Variants in EXD2 observed in about 807,000 individuals in gnomAD.
EXD2 encodes exonuclease 3'-5' domain containing 2.
In EXD2, 40 loss-of-function variants were observed where a neutral mutation model predicts 62.5. The observed-to-expected ratio is 0.64, with a 90% CI of 0.50 to 0.83. The LOEUF is 0.83. EXD2 is among the 40% of genes least tolerant of loss of function. EXD2 has a pLI of 0.00. For missense variants in EXD2, 671 were observed against 761.8 expected (o/e 0.88, Z 1.40); for synonymous variants, 239 against 291.9 (o/e 0.82, Z 1.85).
chr14:69,228,153 C>G (rs896199975), intron 3 of EXD2: 4 of 139,276 alleles, frequency 2.9e-5, no homozygotes, highest in African/African-American at 5.2e-5. Context: ...TTTATCATTT[C>G]TCACTCTACT....
intron 9 of EXD2, 140 bp downstream of exon 9, chr14:69,238,071 T>A: frequency 2.8e-6 from 2 of 712,344 alleles, no homozygotes; most frequent in Non-Finnish European, 2.3e-6. Flanking sequence ...TCTAGTAGTT[T>A]AAGATACCTT....
intron 3 of EXD2, 102 bp from the exon 4 acceptor site, chr14:69,228,714 G>A (rs2043458555): frequency 1.3e-5 from 18 of 1,438,448 alleles, no homozygotes; most frequent in Non-Finnish European, 1.7e-5. Context: ...GCTACCTTTG[G>A]GAAGTTAAGG....
At chr14:69,219,734 A>G (rs1376566441) in intron 3 of EXD2, among the ~76,000 whole-genome samples, 1 of 152,168 alleles carries the variant, frequency 6.6e-6, no homozygotes, top group Non-Finnish European at 1.5e-5. Context: ...TGTTCTAATT[A>G]CTTGTAGATT....
chr14:69,236,351 G>T, intron 7 of EXD2, 56 bp from the exon 8 acceptor site: 1 of 1,612,934 alleles, frequency 6.2e-7, no homozygotes, highest in South Asian at 1.1e-5. Flanking sequence ...GCTGCTTCTT[G>T]GGTGTGGTGG....
At chr14:69,232,313 C>T (rs2043614024) in intron 5 of EXD2, among the ~76,000 whole-genome samples, 1 of 152,188 alleles carries the variant, frequency 6.6e-6, no homozygotes, top group South Asian at 2.1e-4. Flanking sequence ...TCCGCCCTTG[C>T]CTTCACAGAT....
chr14:69,228,332 C>T (rs763276537), intron 3 of EXD2, among the ~76,000 whole-genome samples: 2 of 152,006 alleles, frequency 1.3e-5, no homozygotes, highest in Non-Finnish European at 2.9e-5. Context: ...GCTGGGATTA[C>T]AGGCACATGC....
intron 3 of EXD2, among the ~76,000 whole-genome samples, chr14:69,222,043 G>A (rs144276216): frequency 8.0e-5 from 12 of 149,978 alleles, no homozygotes; most frequent in East Asian, 7.8e-4. Context: ...AGCCAAGATC[G>A]TGCCATTGCA....
rs182466488 is a variant in EXD2 at position 69,209,562 on chromosome 14, G to A, written c.92G>A (p.Arg31His). 1.1e-4 allele frequency: 170 copies of A among 1,550,552 alleles called. No individual in the cohort carries two copies. The highest frequency in any genetic ancestry group is 1.1e-3 in the Admixed American group (55 of 50,986). ...GTCCTCTGGAAAGGCATCCAGCGCC[G>A]CCGAAGGAGTAAAACGAGTCCTGTG... is the stretch of plus-strand genomic sequence containing the variant. ...GFVLWKGIQR[R>H]RRSKTSPVTQ... The change falls in exon 3 of 10, where the codon CGC becomes CAC. Residue 31 changes from arginine to histidine, a missense_variant. By Grantham distance (29) the Arg-to-His change is conservative. Transcript: ENST00000685843.
chr14:69,197,948 A>G (rs1233347384), intron 1 of EXD2, among the ~76,000 whole-genome samples: 1 of 152,200 alleles, frequency 6.6e-6, no homozygotes, highest in Non-Finnish European at 1.5e-5. Context: ...ATATATGTAC[A>G]TGTAAAGTGC....
chr14:69,207,111 CTAA>C (rs2042629809), intron 2 of EXD2, among the ~76,000 whole-genome samples: 1 of 152,148 alleles, frequency 6.6e-6, no homozygotes, highest in South Asian at 2.1e-4. Flanking sequence ...CATTATTACT[CTAA>C]TAATTGTTGT....
At chr14:69,198,157 A>G (rs2042271113) in intron 1 of EXD2, among the ~76,000 whole-genome samples, 1 of 152,188 alleles carries the variant, frequency 6.6e-6, no homozygotes, top group African/African-American at 2.4e-5. Context: ...GTATATTGCT[A>G]TTATGAATGA....
At chr14:69,216,495 T>G (rs2042992055) in intron 3 of EXD2, among the ~76,000 whole-genome samples, 1 of 152,110 alleles carries the variant, frequency 6.6e-6, no homozygotes, top group East Asian at 1.9e-4. Flanking sequence ...TGGCATGATC[T>G]CGGCTCACTG....
At chr14:69,238,641 T>C (rs2043883660) in intron 9 of EXD2, among the ~76,000 whole-genome samples, 2 of 151,322 alleles carry the variant, frequency 1.3e-5, no homozygotes, top group Admixed American at 1.3e-4. Flanking sequence ...GGTTTTTTTG[T>C]TTTGTTTTTT....
intron 3 of EXD2, among the ~76,000 whole-genome samples, chr14:69,217,627 T>C (rs890187788): frequency 6.6e-6 from 1 of 152,144 alleles, no homozygotes; most frequent in African/African-American, 2.4e-5. Flanking sequence ...GCCATGTTGG[T>C]GTGCTGCACC....
At position 69,204,178 on chromosome 14, in the gene EXD2, C is replaced by T. The variant is rs187168781; in HGVS notation, c.-48+178C>T. On this transcript the variant is annotated intron_variant, in intron 2 of 9. Coordinates refer to ENST00000685843, the MANE Select transcript of EXD2 (RefSeq NM_001193360.2). Reference sequence around the variant, plus strand: ...GGGATTGCCTATCTCTAAAGAGCACCAGTTTAAAAAGAGTGTATTTTTCTA... The same window carrying T: ...GGGATTGCCTATCTCTAAAGAGCACTAGTTTAAAAAGAGTGTATTTTTCTA... Among the ~76,000 whole-genome samples, 23 of 152,240 alleles carry T rather than the reference C, an allele frequency of 1.5e-4. No homozygotes were observed. The East Asian group carries it at 4.0e-3, about 27-fold the overall frequency.
chr14:69,215,548 G>A (rs2042962060), intron 3 of EXD2, among the ~76,000 whole-genome samples: 1 of 152,060 alleles, frequency 6.6e-6, no homozygotes, highest in Non-Finnish European at 1.5e-5. Flanking sequence ...GCATATGACT[G>A]ATTCCATTGT....
intron 2 of EXD2, among the ~76,000 whole-genome samples, chr14:69,208,273 C>T (rs1361513648): frequency 2.1e-5 from 3 of 140,490 alleles, no homozygotes; most frequent in Admixed American, 7.7e-5. Flanking sequence ...TGCAGTGGCA[C>T]GATCTCGGCT....
chr14:69,225,067 C>T (rs1343847198), intron 3 of EXD2, among the ~76,000 whole-genome samples: 1 of 152,196 alleles, frequency 6.6e-6, no homozygotes, highest in East Asian at 1.9e-4. Flanking sequence ...GATTTTGTCT[C>T]CTCCTACTCT....
chr14:69,209,581 T>C lies in EXD2; in HGVS notation c.111T>C (p.Ser37=), dbSNP rs940408789. Residue 37 remains serine, a synonymous_variant, in exon 3 of 10, where the codon AGT becomes AGC. Transcript: ENST00000685843. ...AGCGCCGCCGAAGGAGTAAAACGAG[T>C]CCTGTGACCCAACAGCCACAGCAGA... ...GIQRRRRSKT[S]PVTQQPQQKV... 6.5e-7 allele frequency: 1 copy of C among 1,550,086 alleles called. No individual in the cohort carries two copies. Among genetic ancestry groups the C allele is most frequent in the Non-Finnish European group, 8.7e-7 (1 of 1,146,866 alleles).
Sources: allele counts gnomAD v4.1 joint callset (sites outside exome capture counted in the v4.1 genomes callset), GRCh38; gene constraint gnomAD v4.1.1; transcripts MANE v1.5; gene names NCBI Gene and HGNC (gene_info 2026-07-23, HGNC 2026-07-21).